The following DET1 variants were observed in gnomAD, a reference collection of about 807,000 sequenced individuals.
DET1 encodes DET1 homolog.
DET1 carries 22 observed loss-of-function variants against 43.7 expected under a neutral mutation model. The ratio of observed to expected loss-of-function variants is 0.50; its 90% CI spans 0.36 to 0.72. DET1 has a LOEUF of 0.72. Among genes scored for constraint, DET1 ranks in the 30% least tolerant of loss-of-function variants. The pLI is 0.00. For missense variants in DET1, 713 were observed against 713.3 expected, an observed-to-expected ratio of 1.00 and a Z score of 0.00; for synonymous variants, 315 against 266.2, an observed-to-expected ratio of 1.18 and a Z score of -1.79.
chr15:88,528,565 C>A (rs917153291), intron 2 of DET1, among the ~76,000 whole-genome samples: 1 of 152,222 alleles, frequency 6.6e-6, no homozygotes. Flanking sequence ...AGAGTTACTG[C>A]TTTTTCTAAA....
intron 1 of DET1, among the ~76,000 whole-genome samples, chr15:88,537,207 A>G (rs1306081499): frequency 1.3e-5 from 2 of 152,258 alleles, no homozygotes; most frequent in African/African-American, 4.8e-5. Context: ...AAGCTATCAT[A>G]TATTGCAATG....
At chr15:88,524,272 C>T (rs2056595160) in intron 3 of DET1, among the ~76,000 whole-genome samples, 1 of 151,838 alleles carries the variant, frequency 6.6e-6, no homozygotes, top group Non-Finnish European at 1.5e-5. Context: ...AGGAGCCCCT[C>T]CGCCTGGCAG....
At position 88,530,072 on chromosome 15, in the gene DET1, G is replaced by A. The variant is rs550507653; in HGVS notation, c.1083+551C>T. 2.0e-5 allele frequency among the ~76,000 whole-genome samples: 3 copies of A among 152,284 alleles called. No individual in the cohort carries two copies. In the South Asian group the frequency reaches 6.2e-4, roughly 32 times the overall value. Reference sequence around the variant, plus strand: ...CTACAACCTATGTCCCAGCATGTGGGCAAGGTCAGGGTAAAGTCACAAAAC... The same window carrying A: ...CTACAACCTATGTCCCAGCATGTGGACAAGGTCAGGGTAAAGTCACAAAAC... On this transcript the variant is annotated intron_variant, in intron 2 of 4. Transcript: ENST00000268148.
intron 1 of DET1, chr15:88,532,027 C>T (rs368231752): frequency 3.7e-4 from 80 of 214,840 alleles, no homozygotes; most frequent in South Asian, 6.1e-4. Flanking sequence ...TTCGGCTGGG[C>T]GCAGTGGCTC....
chr15:88,538,442 T>A (rs1324323833), intron 1 of DET1, among the ~76,000 whole-genome samples: 1 of 151,400 alleles, frequency 6.6e-6, no homozygotes. Context: ...TCCTTTTAAC[T>A]TTTTGACTAC....
At chr15:88,533,172 T>C (rs182960181) in intron 1 of DET1, among the ~76,000 whole-genome samples, 1 of 152,264 alleles carries the variant, frequency 6.6e-6, no homozygotes, top group African/African-American at 2.4e-5. Context: ...ACAAAGCATA[T>C]GAAAAGATAG....
rs1268766324 is a variant in DET1 at position 88,516,994 on chromosome 15, G to A, written c.1272-21C>T. 1 of 1,540,354 alleles carries A rather than the reference G, an allele frequency of 6.5e-7. No individual in the cohort carries two copies. Among genetic ancestry groups the A allele is most frequent in the Non-Finnish European group, 8.7e-7 (1 of 1,145,804 alleles). On this transcript the variant is annotated intron_variant, in intron 3 of 4. Coordinates refer to ENST00000268148, the MANE Select transcript of DET1 (RefSeq NM_001144074.3). This position sits in a 1 kb window ranked among gnomAD's most constrained non-coding sequence, Gnocchi z 4.4. ...TGAACCTAAATGAAAGGACCGGTGA[G>A]GAAGGCTTTGTTAGTGAGTACACAA...
chr15:88,544,733 G>C (rs2057202261), intron 1 of DET1, among the ~76,000 whole-genome samples: 1 of 152,066 alleles, frequency 6.6e-6, no homozygotes, highest in Non-Finnish European at 1.5e-5. Context: ...CTAAAAACAG[G>C]GGTCCCCAGG....
chr15:88,514,985 T>A (rs1469195185), intron 4 of DET1, among the ~76,000 whole-genome samples: 2 of 152,206 alleles, frequency 1.3e-5, no homozygotes, highest in East Asian at 3.9e-4. Context: ...AAGGCCCATC[T>A]TTTTTATGTA....
At chr15:88,546,475 G>A (rs1473198147) in intron 1 of DET1, 65 bp downstream of exon 1, 1 of 152,494 alleles carries the variant, frequency 6.6e-6, no homozygotes, top group African/African-American at 2.4e-5. Flanking sequence ...GCGTCATGCA[G>A]GGAGGAGCCT....
In DET1 at chr15:88,506,358, C is replaced by T. The variant is rs536356519; in HGVS notation, c.*2066-2371G>A. ...TATCAGGCACCATGGATAAAGAATC[C>T]AAGTCCTACTAAGTATCTCCCTGCC... is the stretch of plus-strand genomic sequence containing the variant. On this transcript the variant is annotated intron_variant and NMD_transcript_variant, in intron 7 of 8. Transcript: ENST00000557842. Among the ~76,000 whole-genome samples the T allele has an allele frequency of 1.1e-4, 17 of 152,128 alleles. No individual in the cohort carries two copies. In the South Asian group the frequency reaches 2.7e-3, roughly 24 times the overall value.
intron 1 of DET1, among the ~76,000 whole-genome samples, chr15:88,538,421 G>C (rs2057006564): frequency 1.3e-5 from 2 of 150,950 alleles, no homozygotes. Flanking sequence ...TTACTTTCCT[G>C]TAACCATTTA....
At chr15:88,536,831 A>G (rs1332330985) in intron 1 of DET1, among the ~76,000 whole-genome samples, 1 of 151,808 alleles carries the variant, frequency 6.6e-6, no homozygotes, top group African/African-American at 2.4e-5. Flanking sequence ...GCTAAAAGAC[A>G]CATTTTTAAA....
intron 1 of DET1, among the ~76,000 whole-genome samples, chr15:88,532,348 C>CA (rs1350479292): frequency 2.6e-5 from 4 of 151,976 alleles, no homozygotes; most frequent in African/African-American, 9.7e-5. Context: ...TTCATTCCAG[C>CA]AAAAAATATT....
At chr15:88,542,499 C>T (rs951629409) in intron 1 of DET1, among the ~76,000 whole-genome samples, 6 of 152,044 alleles carry the variant, frequency 3.9e-5, no homozygotes, top group Non-Finnish European at 5.9e-5. Context: ...CGGTGGCTCC[C>T]GAAAATAGCC....
At position 88,504,007 on chromosome 15, in the gene DET1, A is replaced by G. The variant is rs2056113915; in HGVS notation, c.*2066-20T>C. ...GAGACCCTGTCTTAAAAAAAAAAAAATCATTTATTATCTTACACAATTTCT... is the reference window on the plus strand; with the variant it reads ...GAGACCCTGTCTTAAAAAAAAAAAAGTCATTTATTATCTTACACAATTTCT... On this transcript the variant is annotated intron_variant and NMD_transcript_variant, in intron 7 of 8. Transcript: ENST00000557842. The surrounding 1 kb of genome is among the most constrained non-coding windows in gnomAD (Gnocchi z 4.7). The G allele has an allele frequency of 6.6e-6, 1 of 151,442 alleles. No individual in the cohort carries two copies. The highest frequency in any genetic ancestry group is 6.6e-5 in the Admixed American group (1 of 15,182). 9.4% of individuals were successfully genotyped at this position (151,442 alleles called of 1,614,324 possible).
At chr15:88,505,448 A>G (rs912800714) in intron 7 of DET1, 1 of 152,264 alleles carries the variant, frequency 6.6e-6, no homozygotes, top group Non-Finnish European at 1.5e-5. Context: ...ATATCAAATT[A>G]ACCCCACTGC....
At chr15:88,521,144 T>G (rs1275102487) in intron 3 of DET1, among the ~76,000 whole-genome samples, 2 of 152,176 alleles carry the variant, frequency 1.3e-5, no homozygotes, top group Non-Finnish European at 2.9e-5. Context: ...CCTCGCTCAC[T>G]CCAGTCCAGC....
At chr15:88,512,093 T>A (rs138241217), downstream of DET1, among the ~76,000 whole-genome samples, 2,422 of 152,284 alleles carry the variant, frequency 0.016, 37 homozygotes, top group South Asian at 0.026. Context: ...GCCAGTCTGG[T>A]CTCTGTAGGG....
Sources: allele counts gnomAD v4.1 joint callset (sites outside exome capture counted in the v4.1 genomes callset), GRCh38; gene constraint gnomAD v4.1.1; non-coding constraint Gnocchi (gnomAD v3.1); transcripts MANE v1.5; gene names NCBI Gene and HGNC (gene_info 2026-07-23, HGNC 2026-07-21).